CACNA1A: variants seen among roughly 807,000 people sequenced by gnomAD.
CACNA1A encodes the protein voltage-dependent P/Q-type calcium channel subunit alpha-1A.
CACNA1A carries 57 observed loss-of-function variants against 262.4 expected under a neutral mutation model. That is an observed-to-expected ratio of 0.22 (90% CI 0.18 to 0.27). The LOEUF is 0.27. Ranked by LOEUF, CACNA1A falls within the 10% of genes least tolerant of loss-of-function variation. The pLI is 1.00. For synonymous variants in CACNA1A, 1,431 were observed against 1,419.3 expected, an observed-to-expected ratio of 1.01 and a Z score of -0.18; for missense variants, 2,526 against 3,562.8, an observed-to-expected ratio of 0.71 and a Z score of 7.41.
intron 38 of CACNA1A, among the ~76,000 whole-genome samples, chr19:13,223,945 T>C (rs2055336953): frequency 1.3e-5 from 2 of 152,048 alleles, no homozygotes; most frequent in South Asian, 2.1e-4. Flanking sequence ...GTGGGAGGAC[T>C]GCTTGAGCCC....
At chr19:13,454,159 C>T (rs910276610) in intron 2 of CACNA1A, among the ~76,000 whole-genome samples, 3 of 151,420 alleles carry the variant, frequency 2.0e-5, no homozygotes, top group African/African-American at 4.9e-5. Context: ...AATCATTGAC[C>T]GTTGGTGATC....
At chr19:13,396,415 C>G (rs1275531257) in intron 3 of CACNA1A, among the ~76,000 whole-genome samples, 1 of 152,212 alleles carries the variant, frequency 6.6e-6, no homozygotes, top group Non-Finnish European at 1.5e-5. Context: ...TCTCTCTTCT[C>G]CATTCCATAA....
chr19:13,504,275 C>G (rs1982751220), intron 1 of CACNA1A, among the ~76,000 whole-genome samples: 1 of 152,162 alleles, frequency 6.6e-6, no homozygotes, highest in East Asian at 1.9e-4. Flanking sequence ...TAAGAACCAG[C>G]CTCTTTAAGA....
intron 3 of CACNA1A, among the ~76,000 whole-genome samples, chr19:13,446,144 G>A (rs1424242000): frequency 1.3e-5 from 2 of 151,146 alleles, no homozygotes; most frequent in Admixed American, 1.3e-4. Flanking sequence ...GCACAGCAGT[G>A]CATGCCTGTA....
chr19:13,275,896 G>T lies in CACNA1A; in HGVS notation c.3943C>A (p.Leu1315Ile), dbSNP rs192811647. The change falls in exon 24 of 47, where the codon CTC (leucine) becomes ATC (isoleucine). Residue 1315 changes from leucine to isoleucine, a missense_variant. Transcript: ENST00000360228. ...GAYFRDLWNI[L>I]DFIVVSGALV... is the part of the protein sequence containing the mutation. ...GCCCCACTGACCACTATGAAGTCGA[G>T]AATATTCCAGAGGTCACGGAAGTAG... 1 of 1,613,918 alleles carries T rather than the reference G, an allele frequency of 6.2e-7. No homozygotes were observed. Among genetic ancestry groups the T allele is most frequent in the East Asian group, 2.2e-5 (1 of 44,874 alleles).
intron 35 of CACNA1A, among the ~76,000 whole-genome samples, chr19:13,231,055 G>A (rs943396844): frequency 1.3e-5 from 2 of 151,884 alleles, no homozygotes; most frequent in African/African-American, 2.4e-5. Context: ...CCTGGCTGGG[G>A]TGCAGTGGTG....
chr19:13,256,420 T>C (rs1485812378), intron 28 of CACNA1A: 4 of 152,218 alleles, frequency 2.6e-5, no homozygotes, highest in African/African-American at 9.7e-5. Flanking sequence ...AGGTCCTCTA[T>C]TTAGCTTGGA....
intron 23 of CACNA1A, 149 bp from the exon 24 acceptor site, chr19:13,276,105 G>T (rs2057141461): frequency 1.7e-6 from 1 of 594,964 alleles, no homozygotes; most frequent in Non-Finnish European, 3.0e-6. Flanking sequence ...GAGGACTCCA[G>T]GGAGGAGTGG....
At chr19:13,265,659 T>C (rs1055069274) in intron 24 of CACNA1A, among the ~76,000 whole-genome samples, 3 of 152,172 alleles carry the variant, frequency 2.0e-5, no homozygotes, top group African/African-American at 7.2e-5. Flanking sequence ...TCTTTTTCTT[T>C]CTTTCTTTTT....
intron 31 of CACNA1A, among the ~76,000 whole-genome samples, chr19:13,238,610 G>C (rs1435175913): frequency 1.6e-5 from 1 of 63,558 alleles, no homozygotes; most frequent in South Asian, 4.6e-4. Flanking sequence ...TTTTTTAAGA[G>C]AGTCTCACTC....
At chr19:13,320,032 G>A (rs2058215735) in intron 10 of CACNA1A, among the ~76,000 whole-genome samples, 1 of 152,114 alleles carries the variant, frequency 6.6e-6, no homozygotes, top group Admixed American at 6.5e-5. Flanking sequence ...TTACAGGGAC[G>A]CCTCTCCTTT....
intron 46 of CACNA1A, among the ~76,000 whole-genome samples, 160 bp from the exon 47 acceptor site, chr19:13,208,213 C>G (rs1384896915): frequency 9.9e-6 from 1 of 101,508 alleles, no homozygotes; most frequent in Non-Finnish European, 1.9e-5. Context: ...AGGGGGGACA[C>G]AGGACATTGA....
At chr19:13,493,076 AT>A (rs1981090970) in intron 1 of CACNA1A, among the ~76,000 whole-genome samples, 2 of 152,056 alleles carry the variant, frequency 1.3e-5, no homozygotes, top group Admixed American at 1.3e-4. Context: ...TCATTCCAAC[AT>A]TTTCCAGCTC....
intron 1 of CACNA1A, among the ~76,000 whole-genome samples, chr19:13,497,118 G>T (rs1202719865): frequency 6.6e-6 from 1 of 151,922 alleles, no homozygotes; most frequent in East Asian, 1.9e-4. Context: ...TAAACCACAG[G>T]TTCTGACTCT....
intron 24 of CACNA1A, among the ~76,000 whole-genome samples, chr19:13,268,799 C>T (rs1399749320): frequency 1.3e-5 from 2 of 151,924 alleles, no homozygotes; most frequent in African/African-American, 4.8e-5. Flanking sequence ...TTCTCCTCCA[C>T]ACCCCCTCAT....
At chr19:13,313,467 T>C (rs531399646) in intron 11 of CACNA1A, among the ~76,000 whole-genome samples, 2 of 141,122 alleles carry the variant, frequency 1.4e-5, no homozygotes, top group African/African-American at 5.4e-5. Context: ...GCCACCCTAC[T>C]GTAGCCTGGG....
rs1491303204 is a variant in CACNA1A, at chr19:13,212,825, T to TACACACAC, written c.5941-86_5941-85insGTGTGTGT. On this transcript the variant is annotated intron_variant, in intron 40 of 46. Transcript: ENST00000360228. This position sits in a 1 kb window ranked among gnomAD's most constrained non-coding sequence, Gnocchi z 5.6. ...CCAGAAGGCATTGCGACATCCCCAGTATACACACACACACACACACACACT... is the reference window on the plus strand; with the variant it reads ...CCAGAAGGCATTGCGACATCCCCAGTACACACACATACACACACACACACACACACACT... 1.6e-5 allele frequency: 9 copies of TACACACAC among 548,484 alleles called. No individual in the cohort carries two copies. In the African/African-American group the frequency reaches 1.8e-4, roughly 11 times the overall value. 34.0% of individuals were successfully genotyped at this position (548,484 alleles called of 1,614,324 possible).
chr19:13,471,070 T>A (rs2061339342), intron 1 of CACNA1A, among the ~76,000 whole-genome samples: 4 of 152,192 alleles, frequency 2.6e-5, no homozygotes, highest in Admixed American at 2.6e-4. Flanking sequence ...TCTTTTGGCT[T>A]GTGGCTGCAG....
chr19:13,370,571 G>A (rs1036605949), intron 4 of CACNA1A, among the ~76,000 whole-genome samples: 1 of 151,466 alleles, frequency 6.6e-6, no homozygotes, highest in Non-Finnish European at 1.5e-5. Flanking sequence ...GACTACAGGT[G>A]TGCACCATCA....
Sources: allele counts gnomAD v4.1 joint callset (sites outside exome capture counted in the v4.1 genomes callset), GRCh38; gene constraint gnomAD v4.1.1; non-coding constraint Gnocchi (gnomAD v3.1); transcripts MANE v1.5; gene names NCBI Gene and HGNC (gene_info 2026-07-23, HGNC 2026-07-21).